The following NEDD9 variants were observed in gnomAD, a reference collection of about 807,000 sequenced individuals.
NEDD9 encodes enhancer of filamentation 1.
In NEDD9, 26 loss-of-function variants were observed where a neutral mutation model predicts 76.6. The observed-to-expected ratio is 0.34, with a 90% CI of 0.25 to 0.47. The LOEUF (loss-of-function observed/expected upper bound fraction) is 0.47. NEDD9 is among the 20% of genes least tolerant of loss of function. NEDD9 has a pLI of 1.00. For missense variants in NEDD9, 937 were observed against 1,058.5 expected, an observed-to-expected ratio of 0.89 and a Z score of 1.59; for synonymous variants, 392 against 414.2, an observed-to-expected ratio of 0.95 and a Z score of 0.65.
chr6:11,277,920 T>A (rs1221012486), intron 3 of NEDD9, among the ~76,000 whole-genome samples: 1 of 152,022 alleles, frequency 6.6e-6, no homozygotes, highest in Non-Finnish European at 1.5e-5. Context: ...TCTTTCTTCC[T>A]TTGCCTTGCC....
intron 3 of NEDD9, among the ~76,000 whole-genome samples, chr6:11,257,322 T>G (rs1188297975): frequency 1.3e-5 from 2 of 152,224 alleles, no homozygotes; most frequent in East Asian, 3.8e-4. Context: ...CTCTACACAT[T>G]GGCAAATAAC....
chr6:11,213,412 G>C lies in NEDD9; in HGVS notation c.328C>G (p.Pro110Ala). 6.2e-7 allele frequency: 1 copy of C among 1,613,984 alleles called. No homozygotes were observed. Among genetic ancestry groups the C allele is most frequent in the Non-Finnish European group, 8.5e-7 (1 of 1,180,006 alleles). ...APRDTIYQVP[P>A]SYQNQGIYQV... ...TAAATTCCCTGATTTTGGTAGGAAG[G>C]TGGCACTTGGTAGATGGTGTCTCGG... The change falls in exon 2 of 7, where the codon CCT becomes GCT. Residue 110 changes from proline to alanine, a missense_variant. Pro to Ala is a conservative substitution (Grantham distance 27). Transcript: ENST00000379446. This position sits in a 1 kb window ranked among gnomAD's most constrained non-coding sequence, Gnocchi z 5.4.
intron 3 of NEDD9, among the ~76,000 whole-genome samples, chr6:11,301,077 G>C (rs1214374513): frequency 2.6e-5 from 4 of 152,126 alleles, no homozygotes; most frequent in Non-Finnish European, 5.9e-5. Flanking sequence ...CTGGCAAATT[G>C]GATAAAGAGT....
chr6:11,334,049 A>G lies in NEDD9; in HGVS notation c.-153+452T>C, dbSNP rs1034081551. Among the ~76,000 whole-genome samples the G allele has an allele frequency of 5.9e-5, 9 of 152,208 alleles. No individual in the cohort carries two copies. The East Asian group carries it at 9.6e-4, about 16-fold the overall frequency. ...AATTAATCACCTCCTACTGCAATTTATAATTCCTTAACAGTTTTCAAATCT... is the reference window on the plus strand; with the variant it reads ...AATTAATCACCTCCTACTGCAATTTGTAATTCCTTAACAGTTTTCAAATCT... On this transcript the variant is annotated intron_variant, in intron 2 of 3. Coordinates refer to the NEDD9 transcript ENST00000397378.
At chr6:11,318,824 TAA>T (rs76779741) in intron 2 of NEDD9, among the ~76,000 whole-genome samples, 1 of 147,110 alleles carries the variant, frequency 6.8e-6, no homozygotes, top group African/African-American at 2.5e-5. Context: ...TTTAAAAATG[TAA>T]AAAAAAAAAA....
intron 1 of NEDD9, among the ~76,000 whole-genome samples, chr6:11,367,395 G>A (rs1351816307): frequency 3.9e-5 from 6 of 152,264 alleles, no homozygotes; most frequent in African/African-American, 1.2e-4. Context: ...TTATATGGCC[G>A]AGCTTTTGAA....
intron 2 of NEDD9, among the ~76,000 whole-genome samples, chr6:11,320,084 C>T (rs1300059184): frequency 2.0e-5 from 3 of 152,286 alleles, no homozygotes; most frequent in Non-Finnish European, 4.4e-5. Flanking sequence ...CCTGGGAGCA[C>T]GGCTGCACTC....
At chr6:11,228,207 T>C (rs1759366196) in intron 1 of NEDD9, among the ~76,000 whole-genome samples, 1 of 151,776 alleles carries the variant, frequency 6.6e-6, no homozygotes, top group African/African-American at 2.4e-5. Flanking sequence ...GGAGAACCAA[T>C]GAGGTCATAA....
chr6:11,321,430 G>C (rs1163236223), intron 2 of NEDD9, among the ~76,000 whole-genome samples: 2 of 152,164 alleles, frequency 1.3e-5, no homozygotes, highest in Non-Finnish European at 2.9e-5. Context: ...AGCCCAGTGA[G>C]GTCTGCAGGA....
chr6:11,331,227 G>T (rs1328052767), intron 2 of NEDD9, among the ~76,000 whole-genome samples: 13 of 152,184 alleles, frequency 8.5e-5, no homozygotes, highest in Admixed American at 8.5e-4. Context: ...TGGCAGTGAA[G>T]GGGAACTGCG....
chr6:11,337,407 G>T (rs1361269733), intron 1 of NEDD9, among the ~76,000 whole-genome samples: 2 of 152,230 alleles, frequency 1.3e-5, no homozygotes, highest in Non-Finnish European at 2.9e-5. Context: ...ATTATAGACT[G>T]TACACAATTA....
rs749522352 is a variant in NEDD9 at position 11,190,258 on chromosome 6, C to T, written c.1611G>A (p.Thr537=). The T allele has an allele frequency of 1.4e-5, 22 of 1,614,242 alleles. No individual in the cohort carries two copies. The Admixed American group carries it at 2.2e-4, about 16-fold the overall frequency. The change falls in exon 5 of 7, where the codon ACG becomes ACA. Residue 537 remains threonine, a synonymous_variant. Transcript: ENST00000379446. The surrounding 1 kb of genome is among the most constrained non-coding windows in gnomAD (Gnocchi z 5.8). ...TGAGCTGCTTGGCGTCATCGGGCACCGTCTTTGCCACCATCACAAACCGGT... is the reference window on the plus strand; with the variant it reads ...TGAGCTGCTTGGCGTCATCGGGCACTGTCTTTGCCACCATCACAAACCGGT... ...DLDRFVMVAK[T]VPDDAKQLTT...
At chr6:11,216,677 G>A (rs999938991) in intron 1 of NEDD9, among the ~76,000 whole-genome samples, 1 of 152,170 alleles carries the variant, frequency 6.6e-6, no homozygotes, top group African/African-American at 2.4e-5. Context: ...ACTTTGCCAG[G>A]CAACAGCATC....
rs112089634 is a variant in NEDD9, at chr6:11,324,203, C to T, written c.-153+10298G>A. The stretch of plus-strand genomic sequence containing the variant: ...TGTGGCTCTCTCCTGACACTGCCGG[C>T]TGAGTGTCTTAGTTAACCAGTAATC... On this transcript the variant is annotated intron_variant, in intron 2 of 3. Transcript: ENST00000397378. 4.7e-3 allele frequency among the ~76,000 whole-genome samples: 712 copies of T among 152,338 alleles called. 5 individuals carry two copies. The highest frequency in any genetic ancestry group is 0.016 in the African/African-American group (673 of 41,568).
chr6:11,208,185 A>G (rs931227457), intron 2 of NEDD9, among the ~76,000 whole-genome samples: 1 of 152,132 alleles, frequency 6.6e-6, no homozygotes, highest in African/African-American at 2.4e-5. Flanking sequence ...CTCAAAAAAA[A>G]AAAAAAAAAG....
At chr6:11,336,390 C>A (rs982510170) in intron 1 of NEDD9, among the ~76,000 whole-genome samples, 2 of 152,192 alleles carry the variant, frequency 1.3e-5, no homozygotes, top group Non-Finnish European at 2.9e-5. Flanking sequence ...TGCTCCTAGG[C>A]TACAAAAGTA....
chr6:11,215,400 C>T (rs1029124420), intron 1 of NEDD9, among the ~76,000 whole-genome samples: 5 of 152,050 alleles, frequency 3.3e-5, no homozygotes, highest in African/African-American at 4.8e-5. Context: ...TTCCAGGAGG[C>T]GCTGGGTTTC....
chr6:11,259,862 C>G (rs990024619), intron 3 of NEDD9, among the ~76,000 whole-genome samples: 2 of 151,448 alleles, frequency 1.3e-5, no homozygotes, highest in Non-Finnish European at 2.9e-5. Context: ...TACTGTCAAA[C>G]CTTTTGAGAG....
intron 3 of NEDD9, among the ~76,000 whole-genome samples, chr6:11,296,168 G>T (rs1018831355): frequency 2.0e-5 from 3 of 152,094 alleles, no homozygotes; most frequent in South Asian, 2.1e-4. Context: ...AATCAACCCT[G>T]CAGACACCTT....
Sources: allele counts gnomAD v4.1 joint callset (sites outside exome capture counted in the v4.1 genomes callset), GRCh38; gene constraint gnomAD v4.1.1; non-coding constraint Gnocchi (gnomAD v3.1); transcripts MANE v1.5; gene names NCBI Gene and HGNC (gene_info 2026-07-23, HGNC 2026-07-21).